Variants in JAM2 observed in about 807,000 individuals in gnomAD.
The protein encoded by JAM2 is junctional adhesion molecule 2.
Under a neutral mutation model 42.0 loss-of-function variants are expected in JAM2, and 17 were observed. That is an observed-to-expected ratio of 0.40 (90% CI 0.28 to 0.61). The LOEUF is 0.61. JAM2 is among the 20% of genes least tolerant of loss of function. The pLI, the probability that JAM2 is intolerant of heterozygous loss-of-function variation, is 0.37. For synonymous variants in JAM2, 118 were observed against 128.6 expected, an observed-to-expected ratio of 0.92 and a Z score of 0.56; for missense variants, 319 against 358.3, an observed-to-expected ratio of 0.89 and a Z score of 0.89.
chr21:25,642,621 G>A (rs1419602098), intron 1 of JAM2, among the ~76,000 whole-genome samples: 2 of 152,022 alleles, frequency 1.3e-5, no homozygotes, highest in East Asian at 1.9e-4. Flanking sequence ...TTATTTAAAC[G>A]ATGATGTCAG....
chr21:25,698,800 T>C lies in JAM2; in HGVS notation c.518T>C (p.Ile173Thr), dbSNP rs2123399043. The change falls in exon 5 of 10, where the codon ATC becomes ACC. Residue 173 changes from isoleucine (I) to threonine (T), a missense_variant. Transcript: ENST00000480456. ...GAATACACATGGTTTAAGGATGGCA[T>C]CCGTTTGCTAGAAAATCCCAGACTT... The part of the protein sequence containing the change: ...APEYTWFKDG[I>T]RLLENPRLGS... 1 of 1,614,204 alleles carries C rather than the reference T, an allele frequency of 6.2e-7. No individual in the cohort carries two copies.
intron 5 of JAM2, among the ~76,000 whole-genome samples, chr21:25,699,095 C>T (rs8129655): frequency 1.3e-5 from 2 of 151,942 alleles, no homozygotes; most frequent in South Asian, 2.1e-4. Flanking sequence ...AGGGAGCTGA[C>T]TGTGCAAGGA....
chr21:25,671,509 A>T lies in JAM2; in HGVS notation c.68-12374A>T, dbSNP rs192871742. ...TTAGAAAAAGATTATCTTTTTCTTT[A>T]TTTTTTTTTTCTTTGAGACAGAGTC... is the stretch of plus-strand genomic sequence containing the variant. On this transcript the variant is annotated intron_variant, in intron 1 of 9. Coordinates refer to ENST00000480456, the MANE Select transcript of JAM2 (RefSeq NM_021219.4). Among the ~76,000 whole-genome samples the T allele has an allele frequency of 3.2e-3, 478 of 148,864 alleles. 3 individuals carry two copies. Among genetic ancestry groups the T allele is most frequent in the African/African-American group, 0.011 (426 of 40,546 alleles).
intron 5 of JAM2, among the ~76,000 whole-genome samples, chr21:25,699,648 G>A (rs980916504): frequency 1.3e-5 from 2 of 149,708 alleles, no homozygotes; most frequent in African/African-American, 2.5e-5. Context: ...GCGTGAACCC[G>A]GGAGGCGGAG....
intron 2 of JAM2, among the ~76,000 whole-genome samples, chr21:25,686,193 A>C (rs2033748273): frequency 6.6e-6 from 1 of 152,182 alleles, no homozygotes; most frequent in South Asian, 2.1e-4. Flanking sequence ...TAATATAGAA[A>C]ATCCTTCCAT....
intron 4 of JAM2, among the ~76,000 whole-genome samples, chr21:25,694,641 G>A (rs1234389398): frequency 6.6e-6 from 1 of 151,986 alleles, no homozygotes; most frequent in East Asian, 1.9e-4. Flanking sequence ...GACCAGCCTG[G>A]GCAGCATAGT....
At chr21:25,661,492 G>T (rs980090967) in intron 1 of JAM2, among the ~76,000 whole-genome samples, 1 of 151,978 alleles carries the variant, frequency 6.6e-6, no homozygotes, top group African/African-American at 2.4e-5. Flanking sequence ...AAAAATAAGT[G>T]TAGACTTCAT....
intron 5 of JAM2, among the ~76,000 whole-genome samples, chr21:25,701,730 G>A (rs1198792736): frequency 6.6e-6 from 1 of 152,188 alleles, no homozygotes; most frequent in Non-Finnish European, 1.5e-5. Context: ...TAAAGGAAGT[G>A]TTTATTGTTG....
At chr21:25,714,321 A>T (rs1165188546) in intron 9 of JAM2, 1 of 684,416 alleles carries the variant, frequency 1.5e-6, no homozygotes, top group African/African-American at 1.9e-5. Flanking sequence ...TCTGGCCAAT[A>T]TGGTGAAACC....
chr21:25,660,943 T>A (rs2033072307), intron 1 of JAM2, among the ~76,000 whole-genome samples: 1 of 150,250 alleles, frequency 6.7e-6, no homozygotes, highest in Admixed American at 6.6e-5. Flanking sequence ...TATAGAAACT[T>A]GCCACCACGC....
At chr21:25,708,482 C>T (rs767791018) in intron 7 of JAM2, among the ~76,000 whole-genome samples, 5 of 152,184 alleles carry the variant, frequency 3.3e-5, no homozygotes, top group Admixed American at 6.5e-5. Flanking sequence ...GTAGGAGGAT[C>T]GCTTGAGCGC....
chr21:25,643,238 TTC>T (rs1446806698), intron 1 of JAM2, among the ~76,000 whole-genome samples: 1 of 152,222 alleles, frequency 6.6e-6, no homozygotes, highest in Admixed American at 6.5e-5. Context: ...AGTGTTAGAT[TTC>T]TCTGAGGCAT....
chr21:25,684,582 A>ATTG (rs1005305246), intron 2 of JAM2, among the ~76,000 whole-genome samples: 3 of 151,968 alleles, frequency 2.0e-5, no homozygotes, highest in Middle Eastern at 3.2e-3. Context: ...ATAAGCTTTC[A>ATTG]TTGTTGTTGT....
chr21:25,693,771 G>A lies in JAM2; in HGVS notation c.257G>A (p.Arg86Gln), dbSNP rs2033933941. 1.9e-6 allele frequency: 3 copies of A among 1,613,600 alleles called. No individual in the cohort carries two copies. Among genetic ancestry groups the A allele is most frequent in the East Asian group, 2.2e-5 (1 of 44,876 alleles). ...QQTLQGDFKN[R>Q]AEMIDFNIRI... is the part of the protein sequence containing the mutation. ...TTTCTAAAAGGTGATTTTAAAAATC[G>A]AGCTGAGATGATAGATTTCAATATC... The change falls in exon 4 of 10, where the codon CGA (arginine) becomes CAA (glutamine). Residue 86 changes from arginine (R) to glutamine (Q), a missense_variant. Physicochemically the swap from Arg to Gln is conservative, Grantham distance 43 (BLOSUM62 1). Coordinates refer to ENST00000480456, the MANE Select transcript of JAM2 (RefSeq NM_021219.4).
intron 1 of JAM2, among the ~76,000 whole-genome samples, chr21:25,642,386 C>A (rs1043716356): frequency 2.0e-5 from 3 of 152,034 alleles, no homozygotes; most frequent in Non-Finnish European, 4.4e-5. Context: ...GGGTTATAAT[C>A]CAATACTATT....
chr21:25,655,350 A>ATTTTTTT lies in JAM2; in HGVS notation c.67+15477_67+15483dup, dbSNP rs751257378. On this transcript the variant is annotated intron_variant, in intron 1 of 9. Coordinates refer to ENST00000480456, the MANE Select transcript of JAM2 (RefSeq NM_021219.4). ...AACATGATAAATATACTGAAATTCT[A>ATTTTTTT]TTTTTTTTTTTTTTTTTTTTTGTCC... Among the ~76,000 whole-genome samples, 320 of 100,032 alleles carry ATTTTTTT rather than the reference A, an allele frequency of 3.2e-3. 3 individuals are homozygous for ATTTTTTT. The highest frequency in any genetic ancestry group is 7.2e-3 in the Middle Eastern group (1 of 138). 65.6% of individuals were successfully genotyped at this position (100,032 alleles called of 152,430 possible).
chr21:25,706,167 AGTT>A, intron 7 of JAM2, 81 bp downstream of exon 7: 1 of 956,458 alleles, frequency 1.0e-6, no homozygotes, highest in Non-Finnish European at 1.7e-6. Flanking sequence ...TCTCCTAGGA[AGTT>A]GTTTTTTTGT....
chr21:25,670,339 C>T (rs2033329818), intron 1 of JAM2, among the ~76,000 whole-genome samples: 5 of 152,022 alleles, frequency 3.3e-5, no homozygotes, highest in Non-Finnish European at 1.5e-5. Context: ...CAAAAATTAG[C>T]CAGGCATGGT....
chr21:25,710,927 G>A (rs1411586074), intron 8 of JAM2, among the ~76,000 whole-genome samples: 1 of 152,242 alleles, frequency 6.6e-6, no homozygotes, highest in Admixed American at 6.5e-5. Flanking sequence ...CACTAAGTGA[G>A]GCAAGAGAAA....
Sources: allele counts gnomAD v4.1 joint callset (sites outside exome capture counted in the v4.1 genomes callset), GRCh38; gene constraint gnomAD v4.1.1; transcripts MANE v1.5; gene names NCBI Gene and HGNC (gene_info 2026-07-23, HGNC 2026-07-21).